TSNARE1: variants seen among roughly 807,000 people sequenced by gnomAD.
TSNARE1 encodes t-SNARE domain containing 1.
In TSNARE1, 49 loss-of-function variants were observed where a neutral mutation model predicts 62.0. The ratio of observed to expected loss-of-function variants is 0.79; its 90% CI spans 0.63 to 1.00. TSNARE1 has a LOEUF of 1.00. Ranked by LOEUF, TSNARE1 falls within the 50% of genes least tolerant of loss-of-function variation. TSNARE1 has a pLI of 0.00. For missense variants in TSNARE1, 755 were observed against 700.1 expected, an observed-to-expected ratio of 1.08 and a Z score of -0.88; for synonymous variants, 328 against 294.4, an observed-to-expected ratio of 1.11 and a Z score of -1.17.
intron 9 of TSNARE1, among the ~76,000 whole-genome samples, chr8:142,304,851 C>A (rs1294947855): frequency 6.6e-6 from 1 of 152,238 alleles, no homozygotes; most frequent in Admixed American, 6.5e-5. Flanking sequence ...TGGCCATACA[C>A]GCCCCTGGAG....
chr8:142,260,326 G>A (rs1477145061), intron 12 of TSNARE1, among the ~76,000 whole-genome samples: 3 of 152,256 alleles, frequency 2.0e-5, no homozygotes, highest in Admixed American at 2.0e-4. Flanking sequence ...AAGAGAGAAG[G>A]GAAGGAGGGA....
In TSNARE1 at chr8:142,344,384, G is replaced by C. The variant is rs1456411154; in HGVS notation, c.327C>G (p.Pro109=). Residue 109 remains proline, a synonymous_variant, in exon 4 of 14, where the codon CCC becomes CCG. Coordinates refer to ENST00000524325, the MANE Select transcript of TSNARE1 (RefSeq NM_145003.5). ...TGCTGGGCCCCGCCATCCGGCCATG[G>C]GGCCCAGCAGCCGAGTCCTTCCTCG... ...IGPRKDSAAG[P]HGRMAGPSTT... The C allele has an allele frequency of 6.3e-7, 1 of 1,577,354 alleles. No homozygotes were observed. The highest frequency in any genetic ancestry group is 1.9e-5 in the Admixed American group (1 of 52,048).
At chr8:142,370,434 G>A (rs60788451) in intron 1 of TSNARE1, among the ~76,000 whole-genome samples, 4,269 of 152,106 alleles carry the variant, frequency 0.028, 69 homozygotes, top group East Asian at 0.069. Flanking sequence ...TTAAACATTC[G>A]TTGGGCACAA....
chr8:142,280,656 G>A (rs1821272446), intron 11 of TSNARE1, among the ~76,000 whole-genome samples: 2 of 152,156 alleles, frequency 1.3e-5, no homozygotes, highest in South Asian at 4.1e-4. Context: ...CCTTCACTGG[G>A]ACTGATCAAT....
At chr8:142,288,726 C>T (rs1408496315) in intron 10 of TSNARE1, among the ~76,000 whole-genome samples, 1 of 152,390 alleles carries the variant, frequency 6.6e-6, no homozygotes, top group East Asian at 1.9e-4. Flanking sequence ...GGGGCTCCCG[C>T]CCACTCACTG....
chr8:142,313,795 A>G (rs1828060954), intron 9 of TSNARE1, among the ~76,000 whole-genome samples: 1 of 151,878 alleles, frequency 6.6e-6, no homozygotes, highest in Admixed American at 6.6e-5. Flanking sequence ...TGTTTTTGAG[A>G]CAGAATCTCA....
chr8:142,354,572 G>A (rs547838865), intron 2 of TSNARE1, 65 bp downstream of exon 2: 9 of 1,166,244 alleles, frequency 7.7e-6, no homozygotes, highest in African/African-American at 1.6e-5. Flanking sequence ...ATGACACAGT[G>A]AGGATCCTAC....
At chr8:142,374,207 G>A (rs1836134595) in intron 1 of TSNARE1, among the ~76,000 whole-genome samples, 1 of 151,880 alleles carries the variant, frequency 6.6e-6, no homozygotes, top group Non-Finnish European at 1.5e-5. Context: ...GGGAGGCTGA[G>A]GCAGGAGAAT....
intron 6 of TSNARE1, among the ~76,000 whole-genome samples, chr8:142,321,280 T>A (rs1829447629): frequency 6.6e-6 from 1 of 152,014 alleles, no homozygotes; most frequent in South Asian, 2.1e-4. Flanking sequence ...ACCTCCTACC[T>A]CAAACAAGCA....
chr8:142,278,646 A>G lies in TSNARE1; in HGVS notation c.1364-3783T>C, dbSNP rs1484512521. The G allele has an allele frequency of 3.0e-6, 3 of 985,282 alleles. No individual in the cohort carries two copies. The Admixed American group carries it at 1.8e-4, about 61-fold the overall frequency. The allele number at this position is 985,282 out of a possible 1,614,324, so 61.0% of individuals were successfully genotyped here. On this transcript the variant is annotated intron_variant, in intron 11 of 13. Coordinates refer to ENST00000524325, the MANE Select transcript of TSNARE1 (RefSeq NM_145003.5). ...CCCTCAGAGCCAGCGTCACCCTTGG[A>G]GCCAGTGGCAGCTGCGGGCTGCAGA...
chr8:142,292,399 G>A (rs1261217700), intron 10 of TSNARE1, among the ~76,000 whole-genome samples: 1 of 152,304 alleles, frequency 6.6e-6, no homozygotes, highest in East Asian at 1.9e-4. Context: ...TGGGAATTTT[G>A]AAGATGGGCA....
intron 11 of TSNARE1, chr8:142,277,388 G>A: frequency 1.0e-6 from 1 of 985,382 alleles, no homozygotes; most frequent in Non-Finnish European, 1.2e-6. Context: ...GACCCCTGTG[G>A]GAGACCCCCC....
chr8:142,317,136 C>G (rs1256881652), intron 7 of TSNARE1, among the ~76,000 whole-genome samples: 1 of 151,452 alleles, frequency 6.6e-6, no homozygotes, highest in Non-Finnish European at 1.5e-5. Flanking sequence ...GTGGCTCACA[C>G]TGTACGCATG....
intron 12 of TSNARE1, among the ~76,000 whole-genome samples, chr8:142,233,954 C>T (rs1384240578): frequency 2.0e-5 from 3 of 152,234 alleles, no homozygotes; most frequent in African/African-American, 7.2e-5. Flanking sequence ...TCAAATCTCA[C>T]CTCCTTCCCC....
At chr8:142,323,217 T>C (rs1419732083) in intron 6 of TSNARE1, among the ~76,000 whole-genome samples, 2 of 152,214 alleles carry the variant, frequency 1.3e-5, no homozygotes, top group Non-Finnish European at 2.9e-5. Context: ...CAAAAAATTA[T>C]AGAAAGCTTT....
At position 142,277,030 on chromosome 8, in the gene TSNARE1, G is replaced by C. The variant is rs1408001069; in HGVS notation, c.1364-2167C>G. ...CGGCCGCGTGTTGCTCGTGGGGTGA[G>C]GACAGGTTTGGTGCGTGGGACCTGT... On this transcript the variant is annotated intron_variant, in intron 11 of 13. Transcript: ENST00000524325. 3 of 985,322 alleles carry C rather than the reference G, an allele frequency of 3.0e-6. No homozygotes were observed. The East Asian group carries it at 3.4e-4, about 112-fold the overall frequency. 61.0% of individuals were successfully genotyped at this position (985,322 alleles called of 1,614,324 possible).
intron 12 of TSNARE1, among the ~76,000 whole-genome samples, chr8:142,256,235 CCACCAT>C (rs1322231524): frequency 8.0e-5 from 10 of 124,310 alleles, no homozygotes; most frequent in Non-Finnish European, 1.0e-4. Context: ...ATCACCACCA[CCACCAT>C]CACCATCACC....
At chr8:142,348,118 A>T (rs1012658057) in intron 2 of TSNARE1, among the ~76,000 whole-genome samples, 1 of 152,222 alleles carries the variant, frequency 6.6e-6, no homozygotes, top group African/African-American at 2.4e-5. Context: ...AGTTATAAAT[A>T]AAAAAATAAA....
chr8:142,309,540 A>G lies in TSNARE1; in HGVS notation c.1131+4844T>C, dbSNP rs77119282. Among the ~76,000 whole-genome samples the G allele has an allele frequency of 9.4e-3, 1,433 of 152,266 alleles. 15 individuals are homozygous for G. Among genetic ancestry groups the G allele is most frequent in the Non-Finnish European group, 0.015 (1,042 of 68,022 alleles). On this transcript the variant is annotated intron_variant, in intron 9 of 13. Transcript: ENST00000524325. ...CTGTACACATTTCCTCACTTATTCT[A>G]TATTACATGGTGAATCACACACAGA... is the stretch of plus-strand genomic sequence containing the variant.
Sources: allele counts gnomAD v4.1 joint callset (sites outside exome capture counted in the v4.1 genomes callset), GRCh38; gene constraint gnomAD v4.1.1; transcripts MANE v1.5; gene names NCBI Gene and HGNC (gene_info 2026-07-23, HGNC 2026-07-21).